GALNT13: variants seen among roughly 807,000 people sequenced by gnomAD.
The protein encoded by GALNT13 is UDP-GalNAc:polypeptide N-acetylgalactosaminyltransferase 13.
In GALNT13, 28 loss-of-function variants were observed where a neutral mutation model predicts 64.2. The observed-to-expected ratio is 0.44, with a 90% CI of 0.32 to 0.60. The LOEUF is 0.60. Among genes scored for constraint, GALNT13 ranks in the 20% least tolerant of loss-of-function variants. GALNT13 has a pLI of 0.05. For synonymous variants in GALNT13, 214 were observed against 224.6 expected (o/e 0.95, Z 0.42); for missense variants, 577 against 669.8 (o/e 0.86, Z 1.53).
intron 4 of GALNT13, among the ~76,000 whole-genome samples, chr2:154,196,185 T>C (rs1001183002): frequency 6.8e-6 from 1 of 146,860 alleles, no homozygotes; most frequent in South Asian, 2.3e-4. Context: ...CTATTTCTGA[T>C]AAAAAGAGAA....
chr2:153,149,995 A>T, the GALNT13 span, among the ~76,000 whole-genome samples: 1 of 151,766 alleles, frequency 6.6e-6, no homozygotes, highest in African/African-American at 2.4e-5. Flanking sequence ...CTGCCTGCTC[A>T]TCTAATTTAT....
chr2:153,475,245 GTGT>G, the GALNT13 span, among the ~76,000 whole-genome samples: 3 of 152,222 alleles, frequency 2.0e-5, no homozygotes, highest in Non-Finnish European at 4.4e-5. Context: ...CTGGAGAGAA[GTGT>G]TGTTGGCAGG....
At chr2:154,143,963 C>G (rs893791376) in intron 4 of GALNT13, among the ~76,000 whole-genome samples, 1 of 150,284 alleles carries the variant, frequency 6.7e-6, no homozygotes, top group Non-Finnish European at 1.5e-5. Flanking sequence ...ATGAGTAAGT[C>G]TTAAACTGTG....
the GALNT13 span, among the ~76,000 whole-genome samples, chr2:153,643,245 A>G: frequency 6.6e-6 from 1 of 151,578 alleles, no homozygotes; most frequent in African/African-American, 2.4e-5. Flanking sequence ...AAAATAAACA[A>G]ATTTCTAGTA....
rs200563637 is a variant in GALNT13 at position 154,161,795 on chromosome 2, TG to T, written c.311+21291del. On this transcript the variant is annotated intron_variant, in intron 4 of 12. Coordinates refer to ENST00000392825, the MANE Select transcript of GALNT13 (RefSeq NM_052917.4). ...CAAAATCAAGTGTATTTTTTTTTTT[TG>T]TTTTCAGACGGTCTCGCTCTGTTGC... Among the ~76,000 whole-genome samples, 81 of 150,496 alleles carry T rather than the reference TG, an allele frequency of 5.4e-4. 1 individual carries two copies. The highest frequency in any genetic ancestry group is 3.5e-3 in the Middle Eastern group (1 of 286).
At chr2:153,157,998 G>GA in the GALNT13 span, among the ~76,000 whole-genome samples, 2 of 150,712 alleles carry the variant, frequency 1.3e-5, no homozygotes, top group Admixed American at 1.3e-4. Flanking sequence ...AAAGTATTGA[G>GA]AAAAAAAAAT....
chr2:154,091,100 T>C (rs1483576417), intron 3 of GALNT13, among the ~76,000 whole-genome samples: 2 of 151,980 alleles, frequency 1.3e-5, no homozygotes, highest in African/African-American at 4.8e-5. Flanking sequence ...ACTGACTCTT[T>C]GTGTATTTTA....
intron 8 of GALNT13, among the ~76,000 whole-genome samples, chr2:154,272,532 G>A (rs547908063): frequency 9.9e-4 from 150 of 152,054 alleles, no homozygotes; most frequent in African/African-American, 3.4e-3. Context: ...TAATCTTTCT[G>A]ATCCCAAACA....
At chr2:154,021,879 A>G (rs1697530696) in intron 3 of GALNT13, among the ~76,000 whole-genome samples, 1 of 151,478 alleles carries the variant, frequency 6.6e-6, no homozygotes, top group African/African-American at 2.4e-5. Flanking sequence ...ACATCCCATC[A>G]ATACCTAATT....
At chr2:153,837,831 T>C in the GALNT13 span, among the ~76,000 whole-genome samples, 2 of 152,088 alleles carry the variant, frequency 1.3e-5, no homozygotes, top group Non-Finnish European at 2.9e-5. Flanking sequence ...TTTAGTGTTT[T>C]AAGGAATCTC....
intron 8 of GALNT13, among the ~76,000 whole-genome samples, chr2:154,268,535 CTTA>C (rs1289281231): frequency 2.0e-5 from 3 of 151,966 alleles, no homozygotes; most frequent in African/African-American, 7.2e-5. Context: ...GACAAAACTT[CTTA>C]TTGAGTGGTA....
At chr2:153,782,138 A>G in the GALNT13 span, among the ~76,000 whole-genome samples, 1 of 152,166 alleles carries the variant, frequency 6.6e-6, no homozygotes, top group African/African-American at 2.4e-5. Context: ...GGGGCTGAGT[A>G]TTTACTGAGG....
the GALNT13 span, among the ~76,000 whole-genome samples, chr2:153,849,692 A>C: frequency 6.6e-6 from 1 of 152,134 alleles, no homozygotes; most frequent in Non-Finnish European, 1.5e-5. Flanking sequence ...TGAATAGAGG[A>C]GACAGAAGAA....
At chr2:153,794,004 T>A in the GALNT13 span, among the ~76,000 whole-genome samples, 1 of 152,194 alleles carries the variant, frequency 6.6e-6, no homozygotes, top group Non-Finnish European at 1.5e-5. Context: ...GCGGACTACT[T>A]TGAATTTTCA....
chr2:153,871,384 G>A (rs1685916239), upstream of GALNT13, among the ~76,000 whole-genome samples: 1 of 151,954 alleles, frequency 6.6e-6, no homozygotes, highest in South Asian at 2.1e-4. Flanking sequence ...ACCAACAAGA[G>A]GCCAACCTCC....
At chr2:154,437,038 G>T (rs372016524) in intron 11 of GALNT13, 1 of 152,258 alleles carries the variant, frequency 6.6e-6, no homozygotes, top group African/African-American at 2.4e-5. Context: ...GACAACAGGC[G>T]TGTACCACCA....
intron 12 of GALNT13, among the ~76,000 whole-genome samples, chr2:154,440,216 A>G (rs1701217587): frequency 1.3e-5 from 2 of 152,146 alleles, no homozygotes; most frequent in South Asian, 4.1e-4. Context: ...AATCTAGAAT[A>G]TATTTATTAA....
At chr2:153,773,589 G>T in the GALNT13 span, among the ~76,000 whole-genome samples, 9 of 151,926 alleles carry the variant, frequency 5.9e-5, no homozygotes, top group African/African-American at 1.4e-4. Flanking sequence ...CTTTTTCTAG[G>T]TTTTTTTTCT....
At chr2:153,510,600 C>T in the GALNT13 span, among the ~76,000 whole-genome samples, 1 of 152,162 alleles carries the variant, frequency 6.6e-6, no homozygotes, top group Admixed American at 6.5e-5. Flanking sequence ...ACCTGGGAGT[C>T]ATGAACAAAA....
Sources: gnomAD v4.1 joint callset for allele counts (sites outside exome capture counted in the v4.1 genomes callset) on GRCh38, gnomAD v4.1.1 for gene constraint, MANE v1.5 for transcripts, NCBI Gene and HGNC (gene_info 2026-07-23, HGNC 2026-07-21) for gene names.